FAM168B: variants seen among roughly 807,000 people sequenced by gnomAD.
FAM168B encodes the protein myelin-associated neurite-outgrowth inhibitor.
FAM168B carries 19 observed loss-of-function variants against 21.8 expected under a neutral mutation model. That is an observed-to-expected ratio of 0.87 (90% CI 0.61 to 1.28). The LOEUF (loss-of-function observed/expected upper bound fraction) is 1.28. Among genes scored for constraint, FAM168B ranks in the 50% most tolerant of loss-of-function variants. The pLI, the probability that FAM168B is intolerant of heterozygous loss-of-function variation, is 0.00. For missense variants in FAM168B, 233 were observed against 263.1 expected (o/e 0.89, Z 0.79); for synonymous variants, 126 against 104.8 (o/e 1.20, Z -1.24).
At chr2:131,073,115 CAG>C (rs1484172821) in intron 2 of FAM168B, among the ~76,000 whole-genome samples, 3 of 151,662 alleles carry the variant, frequency 2.0e-5, no homozygotes, top group African/African-American at 7.3e-5. Flanking sequence ...TTTTCTAAGA[CAG>C]AGTCTTGCTC....
intron 6 of FAM168B, 52 bp downstream of exon 6, chr2:131,052,839 C>T: frequency 6.5e-7 from 1 of 1,539,384 alleles, no homozygotes; most frequent in Non-Finnish European, 8.8e-7. Flanking sequence ...GCCACTGTCC[C>T]ATGGAAATGC....
chr2:131,075,950 C>T (rs902710576), intron 2 of FAM168B, among the ~76,000 whole-genome samples: 1 of 152,218 alleles, frequency 6.6e-6, no homozygotes, highest in Non-Finnish European at 1.5e-5. Context: ...GCCTCTGCTG[C>T]TTCCGTGCTC....
Position 131,051,518 on chromosome 2 carries a change from A to C in FAM168B, c.*947T>G, listed in dbSNP as rs1691677126. On this transcript the variant is annotated 3_prime_UTR_variant, in exon 7 of 7. Coordinates refer to ENST00000389915, the MANE Select transcript of FAM168B (RefSeq NM_001009993.4). Reference sequence around the variant, plus strand: ...AAAAAAGGAATGATTTTCTAAGCTAAATAAAGCAGAGGACAATACCTCCTG... The same window carrying C: ...AAAAAAGGAATGATTTTCTAAGCTACATAAAGCAGAGGACAATACCTCCTG... 1.0e-6 allele frequency: 1 copy of C among 985,220 alleles called. No individual in the cohort carries two copies. Among genetic ancestry groups the C allele is most frequent in the South Asian group, 4.7e-5 (1 of 21,296 alleles). 61.0% of individuals were successfully genotyped at this position (985,220 alleles called of 1,614,324 possible).
chr2:131,051,854 C>G lies in FAM168B; in HGVS notation c.*611G>C. 1 of 985,454 alleles carries G rather than the reference C, an allele frequency of 1.0e-6. No individual in the cohort carries two copies. The highest frequency in any genetic ancestry group is 1.2e-6 in the Non-Finnish European group (1 of 829,944). The allele number at this position is 985,454 out of a possible 1,614,324, so 61.0% of individuals were successfully genotyped here. ...CCCAAGCAGCTGTGGCTTCCCTACT[C>G]TCTCCCAAACCTCGCAACTCCCTCC... On this transcript the variant is annotated 3_prime_UTR_variant, in exon 7 of 7. Coordinates refer to ENST00000389915, the MANE Select transcript of FAM168B (RefSeq NM_001009993.4).
rs140387147 is a variant in FAM168B, at chr2:131,056,891, C to T, written c.155-1196G>A. On this transcript the variant is annotated intron_variant, in intron 3 of 6. Transcript: ENST00000389915. ...CAACCTAATCCAGAGTCATCAAAAC[C>T]CCAGCAATGGTGCCAGGGGCCAGAG... is the stretch of plus-strand genomic sequence containing the variant. 7.2e-3 allele frequency among the ~76,000 whole-genome samples: 1,098 copies of T among 152,294 alleles called. 18 individuals are homozygous for T. Among genetic ancestry groups the T allele is most frequent in the African/African-American group, 0.025 (1,025 of 41,538 alleles).
rs1694108324 is a variant in FAM168B, at chr2:131,092,923, A to G, written c.-12+291T>C. Among the ~76,000 whole-genome samples the G allele has an allele frequency of 2.0e-5, 3 of 152,102 alleles. No homozygotes were observed. The South Asian group carries it at 6.2e-4, about 32-fold the overall frequency. On this transcript the variant is annotated intron_variant, in intron 1 of 6. Transcript: ENST00000389915. ...CCCGGGTTTCACGCTCGCATTCCTG[A>G]CGGCTGTGACCCCGACCTTTAGGAG...
chr2:131,048,429 G>A lies in FAM168B; in HGVS notation c.*4036C>T, dbSNP rs535845240. On this transcript the variant is annotated 3_prime_UTR_variant, in exon 7 of 7. Coordinates refer to ENST00000389915, the MANE Select transcript of FAM168B (RefSeq NM_001009993.4). ...CCCGGGGGGGGGTCCCTACACAGAC[G>A]CCGCTCATCCTCTGTCTCCCCTTCC... is the stretch of plus-strand genomic sequence containing the variant. The A allele has an allele frequency of 1.7e-5, 21 of 1,221,824 alleles. No homozygotes were observed. Among genetic ancestry groups the A allele is most frequent in the South Asian group, 1.2e-4 (8 of 67,076 alleles). 75.7% of individuals were successfully genotyped at this position (1,221,824 alleles called of 1,614,324 possible).
intron 1 of FAM168B, among the ~76,000 whole-genome samples, chr2:131,083,785 G>A (rs1460928468): frequency 2.0e-5 from 3 of 152,004 alleles, no homozygotes; most frequent in African/African-American, 7.2e-5. Flanking sequence ...GGCACAAACA[G>A]AAAAAAAGTC....
chr2:131,066,222 G>A (rs1182529168), intron 3 of FAM168B, among the ~76,000 whole-genome samples: 1 of 149,644 alleles, frequency 6.7e-6, no homozygotes, highest in Non-Finnish European at 1.5e-5. Flanking sequence ...CTGGAGTGCA[G>A]TGGTGCGATC....
chr2:131,066,280 A>T (rs778921843), intron 3 of FAM168B, among the ~76,000 whole-genome samples: 105 of 149,906 alleles, frequency 7.0e-4, no homozygotes, highest in Non-Finnish European at 1.2e-3. Flanking sequence ...GGTTCATGCC[A>T]TTCTTCTGCC....
intron 1 of FAM168B, among the ~76,000 whole-genome samples, chr2:131,084,442 C>T (rs1693581709): frequency 1.3e-5 from 2 of 151,882 alleles, no homozygotes; most frequent in African/African-American, 4.8e-5. Flanking sequence ...TCAAGATATC[C>T]ACCCACCTCA....
intron 1 of FAM168B, among the ~76,000 whole-genome samples, chr2:131,085,898 G>A: frequency 6.6e-6 from 1 of 152,168 alleles, no homozygotes; most frequent in Admixed American, 6.5e-5. Flanking sequence ...TGAAAAGTAA[G>A]GCTAAATGAG....
intron 3 of FAM168B, among the ~76,000 whole-genome samples, chr2:131,058,577 C>T (rs551092583): frequency 2.6e-5 from 4 of 152,186 alleles, no homozygotes; most frequent in Non-Finnish European, 5.9e-5. Context: ...TTTTGAAATT[C>T]GCTCACCGCT....
chr2:131,073,586 C>T (rs565300131), intron 2 of FAM168B, among the ~76,000 whole-genome samples: 2 of 152,324 alleles, frequency 1.3e-5, no homozygotes, highest in Admixed American at 1.3e-4. Context: ...CTCTCTGACG[C>T]ACTCGCTGCC....
intron 3 of FAM168B, among the ~76,000 whole-genome samples, chr2:131,070,230 C>T (rs930666520): frequency 1.3e-5 from 2 of 152,138 alleles, no homozygotes; most frequent in South Asian, 2.1e-4. Context: ...GGAGAAAACA[C>T]GCATATATCT....
chr2:131,071,467 T>C (rs1465632410), intron 3 of FAM168B, among the ~76,000 whole-genome samples: 1 of 152,192 alleles, frequency 6.6e-6, no homozygotes, highest in Non-Finnish European at 1.5e-5. Context: ...TGGAAAATAA[T>C]ACTTTTTTAA....
intron 2 of FAM168B, among the ~76,000 whole-genome samples, chr2:131,078,543 C>G (rs72982412): frequency 0.011 from 1,685 of 152,344 alleles, 30 homozygotes; most frequent in African/African-American, 0.038. Context: ...AAGAAATCAA[C>G]TCAGAGTCAA....
intron 2 of FAM168B, among the ~76,000 whole-genome samples, chr2:131,078,257 T>G (rs1238653753): frequency 6.6e-6 from 1 of 152,080 alleles, no homozygotes; most frequent in Non-Finnish European, 1.5e-5. Flanking sequence ...AACTCAGTAG[T>G]ATGTTGGAAA....
At chr2:131,087,716 A>G (rs923101376) in intron 1 of FAM168B, among the ~76,000 whole-genome samples, 3 of 152,194 alleles carry the variant, frequency 2.0e-5, no homozygotes, top group Admixed American at 6.6e-5. Flanking sequence ...CTGGTAGGCA[A>G]AGAAGCTCCT....
Sources: allele counts gnomAD v4.1 joint callset (sites outside exome capture counted in the v4.1 genomes callset), GRCh38; gene constraint gnomAD v4.1.1; transcripts MANE v1.5; gene names NCBI Gene and HGNC (gene_info 2026-07-23, HGNC 2026-07-21).